The following NEDD1 variants were observed in gnomAD, a reference collection of about 807,000 sequenced individuals.
NEDD1 encodes the protein protein NEDD1.
A neutral mutation model predicts 74.0 loss-of-function variants in NEDD1; 33 were observed. The observed-to-expected ratio is 0.45, with a 90% confidence interval of 0.34 to 0.60. NEDD1 has a LOEUF of 0.60. Among genes scored for constraint, NEDD1 ranks in the 20% least tolerant of loss-of-function variants. The pLI is 0.01. For missense variants in NEDD1, 746 were observed against 776.5 expected (o/e 0.96, Z 0.47); for synonymous variants, 250 against 264.4 (o/e 0.95, Z 0.53).
rs371540570 is a variant in NEDD1 at position 96,951,639 on chromosome 12, A to AT, written c.1878+141_1878+142insT. On this transcript the variant is annotated intron_variant, in intron 15 of 15. Coordinates refer to ENST00000266742, the MANE Select transcript of NEDD1 (RefSeq NM_152905.4). ...AGGGAGTTTTATAGACTAAATAAGT[A>AT]AAATAGATTTTAACTGGTCACCTCC... The AT allele has an allele frequency of 1.8e-3, 968 of 544,294 alleles. 8 individuals are homozygous for AT. The highest frequency in any genetic ancestry group is 0.017 in the African/African-American group (859 of 51,082). 33.7% of individuals were successfully genotyped at this position (544,294 alleles called of 1,614,324 possible).
chr12:96,925,017 G>T, intron 6 of NEDD1: 1 of 290,242 alleles, frequency 3.4e-6, no homozygotes, highest in South Asian at 3.1e-5. Context: ...TATGTTGGAA[G>T]TTTTACATCA....
chr12:96,932,463 A>AAAAAAAAAAAATATATATATAT, intron 6 of NEDD1, among the ~76,000 whole-genome samples: 4 of 9,436 alleles, frequency 4.2e-4, no homozygotes, highest in African/African-American at 1.3e-3. Flanking sequence ...AAAAAAAAAA[A>AAAAAAAAAAAATATATATATAT]ATATATATAT....
chr12:96,928,791 A>G (rs1876014193), intron 6 of NEDD1, among the ~76,000 whole-genome samples: 1 of 144,090 alleles, frequency 6.9e-6, no homozygotes, highest in African/African-American at 2.6e-5. Context: ...GGTTCACACC[A>G]TTCTCCTGCC....
rs1277022210 is a variant in NEDD1, at chr12:96,952,531, G to A, written c.*478G>A. 1 of 151,852 alleles carries A rather than the reference G, an allele frequency of 6.6e-6. No individual in the cohort carries two copies. Among genetic ancestry groups the A allele is most frequent in the Non-Finnish European group, 1.5e-5 (1 of 67,838 alleles). 9.4% of individuals were successfully genotyped at this position (151,852 alleles called of 1,614,324 possible). On this transcript the variant is annotated 3_prime_UTR_variant, in exon 16 of 16. Transcript: ENST00000266742. ...CTAAGCCATTGACTAATAAAACATA[G>A]GGTTGGCTAGTAATTATTTTGTTAA...
chr12:96,939,004 G>T (rs1157181469), intron 9 of NEDD1, among the ~76,000 whole-genome samples: 1 of 151,950 alleles, frequency 6.6e-6, no homozygotes, highest in African/African-American at 2.4e-5. Context: ...GGGTTATTGT[G>T]AAAATCAGAT....
chr12:96,920,014 A>G lies in NEDD1; in HGVS notation c.378A>G (p.Thr126=), dbSNP rs781150420. The G allele has an allele frequency of 4.4e-6, 7 of 1,606,926 alleles. No individual in the cohort carries two copies. The South Asian group carries it at 7.7e-5, about 18-fold the overall frequency. The change falls in exon 6 of 16, where the codon ACA becomes ACG. Residue 126 remains threonine (T), a synonymous_variant. Transcript: ENST00000266742. ...KDHKDQVTCV[T]YNWNDCYIAS... is the part of the protein sequence containing the mutation. ...ATAAAGATCAAGTAACTTGTGTAAC[A>G]TACAATTGGAATGATTGCTACATTG...
At chr12:96,912,907 A>C (rs1874066624) in intron 4 of NEDD1, 90 bp downstream of exon 4, 1 of 640,438 alleles carries the variant, frequency 1.6e-6, no homozygotes, top group Non-Finnish European at 2.8e-6. Context: ...ACTAAATATA[A>C]AGGTTTTTAA....
rs752361330 is a variant in NEDD1, at chr12:96,917,721, T to G, written c.332T>G (p.Val111Gly). ...VNIWDLKSKR[V>G]HRSLKDHKDQ... ...ATTTGGGATTTAAAATCAAAAAGAG[T>G]TCATCGATCTCTTAAGGTAAGCAAT... Residue 111 changes from valine to glycine, a missense_variant, in exon 5 of 16, where the codon GTT becomes GGT. Physicochemically the swap from Val to Gly is moderately radical, Grantham distance 109 (BLOSUM62 -3). Transcript: ENST00000266742. The G allele has an allele frequency of 1.3e-6, 2 of 1,558,874 alleles. No homozygotes were observed. The highest frequency in any genetic ancestry group is 2.5e-5 in the South Asian group (2 of 78,950).
In NEDD1 at chr12:96,951,634, TAAGTA is replaced by T. The variant is rs1246669713; in HGVS notation, c.1878+139_1878+143del. The T allele has an allele frequency of 9.1e-6, 5 of 547,608 alleles. No homozygotes were observed. The African/African-American group carries it at 9.8e-5, about 11-fold the overall frequency. The allele number at this position is 547,608 out of a possible 1,614,324, so 33.9% of individuals were successfully genotyped here. ...TAAATAGGGAGTTTTATAGACTAAA[TAAGTA>T]AAATAGATTTTAACTGGTCACCTCC... On this transcript the variant is annotated intron_variant, in intron 15 of 15. Coordinates refer to ENST00000266742, the MANE Select transcript of NEDD1 (RefSeq NM_152905.4).
chr12:96,934,927 C>G, intron 6 of NEDD1, 49 bp from the exon 7 acceptor site: 1 of 1,138,392 alleles, frequency 8.8e-7, no homozygotes, highest in Non-Finnish European at 1.3e-6. Flanking sequence ...TATCAAATGT[C>G]CTTATGAATG....
intron 2 of NEDD1, among the ~76,000 whole-genome samples, chr12:96,908,947 C>G (rs185834446): frequency 0.02 from 3,036 of 152,148 alleles, 96 homozygotes; most frequent in African/African-American, 0.07. Flanking sequence ...GAGGCTGAGG[C>G]GGGCAGATCA....
chr12:96,934,544 T>C (rs1016288706), intron 6 of NEDD1, among the ~76,000 whole-genome samples: 1 of 151,798 alleles, frequency 6.6e-6, no homozygotes, highest in African/African-American at 2.4e-5. Context: ...TGTTTTGTTT[T>C]GTTTTGTTTT....
intron 6 of NEDD1, among the ~76,000 whole-genome samples, chr12:96,934,366 A>G (rs1876863634): frequency 6.6e-6 from 1 of 152,080 alleles, no homozygotes; most frequent in African/African-American, 2.4e-5. Context: ...GCTATACTCC[A>G]AGATAATAAA....
chr12:96,910,509 G>T (rs1181311422), intron 3 of NEDD1, among the ~76,000 whole-genome samples: 1 of 152,142 alleles, frequency 6.6e-6, no homozygotes, highest in Non-Finnish European at 1.5e-5. Context: ...CTGTCTTGGT[G>T]AGCTCCTCAA....
intron 6 of NEDD1, among the ~76,000 whole-genome samples, chr12:96,923,556 CATG>C (rs769327776): frequency 1.3e-4 from 20 of 152,270 alleles, no homozygotes; most frequent in Admixed American, 3.3e-4. Flanking sequence ...AGTGCTGTCT[CATG>C]GTGGTTTTAA....
intron 13 of NEDD1, 72 bp downstream of exon 13, chr12:96,944,867 A>C (rs1335972122): frequency 1.6e-5 from 18 of 1,148,322 alleles, no homozygotes; most frequent in Admixed American, 2.7e-5. Context: ...TAACTTGTAA[A>C]GGAGAAATAG....
chr12:96,939,154 C>T (rs1407381329), intron 9 of NEDD1, among the ~76,000 whole-genome samples: 1 of 151,986 alleles, frequency 6.6e-6, no homozygotes. Context: ...AATTCTGTTG[C>T]TTCTATTGAA....
chr12:96,923,663 T>C (rs551865263), intron 6 of NEDD1, among the ~76,000 whole-genome samples: 27 of 152,278 alleles, frequency 1.8e-4, no homozygotes, highest in African/African-American at 6.5e-4. Context: ...TTATGTTGGG[T>C]TATTCGTGTT....
rs1699756353 is a variant in NEDD1 at position 96,953,612 on chromosome 12, T to C, written c.*1559T>C. The C allele has an allele frequency of 6.6e-6, 1 of 151,844 alleles. No homozygotes were observed. Among genetic ancestry groups the C allele is most frequent in the Non-Finnish European group, 1.5e-5 (1 of 67,804 alleles). The allele number at this position is 151,844 out of a possible 1,614,324, so 9.4% of individuals were successfully genotyped here. Reference sequence around the variant, plus strand: ...TGGGATGAAATAATTTTAGTAATTATGTGTACAGATGAAACATTTTTGTCA... The same window carrying C: ...TGGGATGAAATAATTTTAGTAATTACGTGTACAGATGAAACATTTTTGTCA... On this transcript the variant is annotated 3_prime_UTR_variant, in exon 16 of 16. Coordinates refer to ENST00000266742, the MANE Select transcript of NEDD1 (RefSeq NM_152905.4).
Sources: allele counts gnomAD v4.1 joint callset (sites outside exome capture counted in the v4.1 genomes callset), GRCh38; gene constraint gnomAD v4.1.1; transcripts MANE v1.5; gene names NCBI Gene and HGNC (gene_info 2026-07-23, HGNC 2026-07-21).